The following GGNBP2 variants were observed in gnomAD, a reference collection of about 807,000 sequenced individuals.
GGNBP2 encodes the protein gametogenetin-binding protein 2.
Under a neutral mutation model 85.9 loss-of-function variants are expected in GGNBP2, and 10 were observed. The ratio of observed to expected loss-of-function variants is 0.12; its 90% CI spans 0.07 to 0.20. The LOEUF (loss-of-function observed/expected upper bound fraction) is 0.20, where lower values mean the gene tolerates loss of function less well. Among genes scored for constraint, GGNBP2 ranks in the 10% least tolerant of loss-of-function variants. The pLI is 1.00. For synonymous variants in GGNBP2, 287 were observed against 285.7 expected, an observed-to-expected ratio of 1.00 and a Z score of -0.05; for missense variants, 595 against 857.8, an observed-to-expected ratio of 0.69 and a Z score of 3.83.
At chr17:36,562,356 A>G (rs1464878160) in intron 5 of GGNBP2, among the ~76,000 whole-genome samples, 1 of 151,698 alleles carries the variant, frequency 6.6e-6, no homozygotes, top group Non-Finnish European at 1.5e-5. Flanking sequence ...TTTAATAGAG[A>G]CGGGGTTTCG....
At position 36,575,130 on chromosome 17, in the gene GGNBP2, T is replaced by A. The variant is rs1962515863; in HGVS notation, c.642-2853T>A. 7 of 727,092 alleles carry A rather than the reference T, an allele frequency of 9.6e-6. No homozygotes were observed. The Admixed American group carries it at 1.4e-4, about 14-fold the overall frequency. 45.0% of individuals were successfully genotyped at this position (727,092 alleles called of 1,614,324 possible). On this transcript the variant is annotated intron_variant, in intron 6 of 13. Transcript: ENST00000613102. The stretch of plus-strand genomic sequence containing the variant: ...TCCAGGGACTTGATCTTCATGTGCT[T>A]GACCAGGCGGCCCAGCTTGGTGATA...
At chr17:36,569,889 T>C (rs1555606487) in intron 6 of GGNBP2, among the ~76,000 whole-genome samples, 1 of 152,206 alleles carries the variant, frequency 6.6e-6, no homozygotes, top group Non-Finnish European at 1.5e-5. Context: ...ATGTTTAGGG[T>C]TAGTGTTTTA....
At chr17:36,588,377 C>T (rs1258525188) in intron 13 of GGNBP2, among the ~76,000 whole-genome samples, 5 of 152,170 alleles carry the variant, frequency 3.3e-5, no homozygotes, top group African/African-American at 1.2e-4. Context: ...CTGGCTTCAG[C>T]CTCCCGAGTA....
intron 9 of GGNBP2, among the ~76,000 whole-genome samples, chr17:36,582,678 T>G (rs1386656797): frequency 6.6e-6 from 1 of 152,238 alleles, no homozygotes; most frequent in Non-Finnish European, 1.5e-5. Flanking sequence ...TAATGTCATG[T>G]CTATGTTTTA....
Position 36,581,531 on chromosome 17 carries a change from A to T in GGNBP2, c.1208A>T (p.Gln403Leu). ...LQTADEKEVS[Q>L]EKETDFIENS... ...ACAGCAGATGAAAAGGAAGTAAGCCAAGAGAAGGTAATATTTCTTAATATC... is the reference window on the plus strand; with the variant it reads ...ACAGCAGATGAAAAGGAAGTAAGCCTAGAGAAGGTAATATTTCTTAATATC... The change falls in exon 9 of 14, where the codon CAA becomes CTA. Residue 403 changes from glutamine to leucine, a missense_variant. Physicochemically the swap from Gln to Leu is moderately radical, Grantham distance 113. Around this residue, in one of 9 missense-constraint regions of GGNBP2, gnomAD observed 85 missense variants for 92.6 expected, o/e 0.92. Coordinates refer to ENST00000613102, the MANE Select transcript of GGNBP2 (RefSeq NM_024835.5). 1 of 1,602,048 alleles carries T rather than the reference A, an allele frequency of 6.2e-7. No individual in the cohort carries two copies. The highest frequency in any genetic ancestry group is 1.7e-5 in the Admixed American group (1 of 58,520).
intron 6 of GGNBP2, among the ~76,000 whole-genome samples, chr17:36,573,840 C>T (rs953350565): frequency 6.6e-6 from 1 of 151,966 alleles, no homozygotes; most frequent in East Asian, 1.9e-4. Context: ...GGAGAAATGT[C>T]GATTCATGCT....
chr17:36,574,941 T>C (rs943134494), intron 6 of GGNBP2: 7 of 1,153,562 alleles, frequency 6.1e-6, no homozygotes, highest in Admixed American at 3.9e-5. Context: ...ATGTGGCCAT[T>C]GTAGTCCACG....
chr17:36,555,218 A>G (rs2074350351), intron 3 of GGNBP2, among the ~76,000 whole-genome samples: 1 of 152,318 alleles, frequency 6.6e-6, no homozygotes, highest in African/African-American at 2.4e-5. Context: ...TTTCTGCTGT[A>G]CTAATTGTTT....
intron 9 of GGNBP2, 105 bp from the exon 10 acceptor site, chr17:36,585,195 A>T (rs2074688693): frequency 1.1e-6 from 1 of 940,896 alleles, no homozygotes; most frequent in Non-Finnish European, 1.7e-6. Context: ...TACAGTGAAA[A>T]TGCCACATCT....
chr17:36,556,162 T>A (rs1358438775), intron 3 of GGNBP2, among the ~76,000 whole-genome samples: 2 of 152,222 alleles, frequency 1.3e-5, no homozygotes, highest in African/African-American at 4.8e-5. Context: ...CTCATTTCTC[T>A]GCAACAGTAG....
rs1397705063 is a variant in GGNBP2, at chr17:36,557,088, T to C, written c.180T>C (p.His60=). ...GAQLKQFIQR[H]GMLKQQDLSI... ...ATTTTCTTTCCCTCTTTCAGCGACATGGTATGCTTAAGCAACAGGATCTAA... is the reference window on the plus strand; with the variant it reads ...ATTTTCTTTCCCTCTTTCAGCGACACGGTATGCTTAAGCAACAGGATCTAA... Residue 60 remains histidine, a synonymous_variant, in exon 4 of 14, where the codon CAT becomes CAC. Coordinates refer to ENST00000613102, the MANE Select transcript of GGNBP2 (RefSeq NM_024835.5). The C allele has an allele frequency of 1.2e-6, 2 of 1,614,002 alleles. No individual in the cohort carries two copies. The highest frequency in any genetic ancestry group is 1.7e-6 in the Non-Finnish European group (2 of 1,180,012).
intron 6 of GGNBP2, among the ~76,000 whole-genome samples, chr17:36,571,128 C>A (rs2074519951): frequency 6.6e-6 from 1 of 152,158 alleles, no homozygotes; most frequent in Admixed American, 6.5e-5. Flanking sequence ...TAAACTGAAA[C>A]CTCTGCCTTA....
chr17:36,545,852 C>A, intron 2 of GGNBP2, 35 bp downstream of exon 2: 1 of 1,457,032 alleles, frequency 6.9e-7, no homozygotes, highest in Non-Finnish European at 9.4e-7. Context: ...CCCGCCGCTC[C>A]CCTGGCAGCT....
rs2074691148 is a variant in GGNBP2 at position 36,585,410 on chromosome 17, T to C, written c.1326T>C (p.Pro442=). Residue 442 remains proline (P), a synonymous_variant, in exon 10 of 14, where the codon CCT becomes CCC. Coordinates refer to ENST00000613102, the MANE Select transcript of GGNBP2 (RefSeq NM_024835.5). ...ATGAAAATACATCATGTACCTGTCC[T>C]AGCAGTGGCAATCTTTTGGGGTCCC... ...VTNENTSCTC[P]SSGNLLGSPK... is the part of the protein sequence containing the mutation. The C allele has an allele frequency of 1.2e-6, 2 of 1,608,804 alleles. No individual in the cohort carries two copies. Among genetic ancestry groups the C allele is most frequent in the Non-Finnish European group, 1.7e-6 (2 of 1,177,810 alleles).
intron 7 of GGNBP2, chr17:36,578,647 G>A (rs989479360): frequency 1.3e-5 from 2 of 156,258 alleles, no homozygotes; most frequent in African/African-American, 4.8e-5. Flanking sequence ...ACCTAAAGTA[G>A]TATCTCTGGC....
intron 6 of GGNBP2, among the ~76,000 whole-genome samples, chr17:36,573,845 C>G (rs137887765): frequency 6.6e-6 from 1 of 152,182 alleles, no homozygotes; most frequent in East Asian, 1.9e-4. Context: ...AATGTCGATT[C>G]ATGCTTTGCC....
intron 5 of GGNBP2, among the ~76,000 whole-genome samples, chr17:36,563,540 A>C (rs1280654604): frequency 1.3e-5 from 2 of 150,916 alleles, no homozygotes; most frequent in Non-Finnish European, 2.9e-5. Flanking sequence ...AACAAAATTA[A>C]GTGTAACAAT....
intron 5 of GGNBP2, among the ~76,000 whole-genome samples, chr17:36,565,046 G>A (rs1011384752): frequency 4.6e-5 from 7 of 152,112 alleles, no homozygotes; most frequent in Non-Finnish European, 8.8e-5. Context: ...TTTAATGGTA[G>A]AAAAGAAATT....
chr17:36,569,061 A>G (rs2074496845), intron 6 of GGNBP2, among the ~76,000 whole-genome samples: 1 of 151,730 alleles, frequency 6.6e-6, no homozygotes, highest in Non-Finnish European at 1.5e-5. Context: ...CCTACAAAGG[A>G]ATCTTCTAAG....
Sources: allele counts gnomAD v4.1 joint callset (sites outside exome capture counted in the v4.1 genomes callset), GRCh38; gene constraint gnomAD v4.1.1; regional missense constraint gnomAD v4.1.1; transcripts MANE v1.5; gene names NCBI Gene and HGNC (gene_info 2026-07-23, HGNC 2026-07-21).